NBAS: variants seen among roughly 807,000 people sequenced by gnomAD.
The protein encoded by NBAS is NAG/BC035112 fusion.
NBAS carries 219 observed loss-of-function variants against 302.5 expected under a neutral mutation model. That is an observed-to-expected ratio of 0.72 (90% CI 0.65 to 0.81). The LOEUF (loss-of-function observed/expected upper bound fraction) is 0.81, where lower values mean the gene tolerates loss of function less well. Among genes scored for constraint, NBAS ranks in the 30% least tolerant of loss-of-function variants. The pLI is 0.00. For missense variants in NBAS, 2,932 were observed against 2,841.6 expected (o/e 1.03, Z -0.72); for synonymous variants, 1,118 against 1,021.6 (o/e 1.09, Z -1.80).
At chr2:15,277,174 G>A in intron 42 of NBAS, 73 bp from the exon 43 acceptor site, 1 of 1,552,640 alleles carries the variant, frequency 6.4e-7, no homozygotes, top group South Asian at 1.2e-5. Flanking sequence ...TTTAACCAAG[G>A]AAGAAACACT....
chr2:15,014,476 G>T, the NBAS span, among the ~76,000 whole-genome samples: 1 of 151,990 alleles, frequency 6.6e-6, no homozygotes, highest in South Asian at 2.1e-4. Context: ...ATAACAAGAG[G>T]AGCCTTGGAA....
At chr2:14,972,137 C>A in the NBAS span, among the ~76,000 whole-genome samples, 4 of 152,132 alleles carry the variant, frequency 2.6e-5, no homozygotes, top group Non-Finnish European at 5.9e-5. Flanking sequence ...GGAATGAGAT[C>A]ATGTCCTTTG....
At chr2:15,316,157 T>C (rs1333858675) in intron 38 of NBAS, among the ~76,000 whole-genome samples, 1 of 152,252 alleles carries the variant, frequency 6.6e-6, no homozygotes, top group African/African-American at 2.4e-5. Flanking sequence ...ACGAATTTAA[T>C]TTGTAATGCT....
chr2:15,219,045 A>G, intron 47 of NBAS, 77 bp from the exon 48 acceptor site: 2 of 1,535,426 alleles, frequency 1.3e-6, no homozygotes, highest in South Asian at 1.2e-5. Flanking sequence ...AAATGTGGTC[A>G]CTGACCTAAC....
At position 15,432,245 on chromosome 2, in the gene NBAS, A is replaced by G. The variant is rs181162241; in HGVS notation, c.2340-4451T>C. Among the ~76,000 whole-genome samples, 99 of 151,646 alleles carry G rather than the reference A, an allele frequency of 6.5e-4. 1 individual carries two copies. The East Asian group carries it at 0.016, about 25-fold the overall frequency. On this transcript the variant is annotated intron_variant, in intron 21 of 51. Transcript: ENST00000281513. ...TTTGTCTATTTTTCCCCTGCTTGGG[A>G]AGTCTTAAGATTTAAATACATCATC...
intron 31 of NBAS, among the ~76,000 whole-genome samples, chr2:15,372,772 T>C (rs1180294808): frequency 6.6e-6 from 1 of 152,218 alleles, no homozygotes; most frequent in Non-Finnish European, 1.5e-5. Context: ...GCAGCGGTTT[T>C]GGTTGCAGGT....
At chr2:15,433,657 T>G (rs1677869486) in intron 21 of NBAS, among the ~76,000 whole-genome samples, 1 of 152,228 alleles carries the variant, frequency 6.6e-6, no homozygotes, top group Non-Finnish European at 1.5e-5. Context: ...CAAAAGGCAT[T>G]GTCTCTGTCC....
chr2:15,258,982 C>T (rs1668730751), intron 44 of NBAS, among the ~76,000 whole-genome samples: 1 of 152,120 alleles, frequency 6.6e-6, no homozygotes. Flanking sequence ...CTGTAAAATT[C>T]CTCTCTTTGT....
chr2:14,858,305 G>T, the NBAS span, among the ~76,000 whole-genome samples: 1 of 152,096 alleles, frequency 6.6e-6, no homozygotes, highest in Non-Finnish European at 1.5e-5. Flanking sequence ...CAAACCCACT[G>T]CTGGGTATAT....
downstream of NBAS, among the ~76,000 whole-genome samples, chr2:15,163,850 G>A (rs977484110): frequency 6.6e-6 from 1 of 151,528 alleles, no homozygotes; most frequent in South Asian, 2.1e-4. Context: ...AGGCTGGAGT[G>A]CAGTGGTGCA....
chr2:15,287,772 G>A (rs528480767), intron 41 of NBAS, among the ~76,000 whole-genome samples: 5 of 152,034 alleles, frequency 3.3e-5, no homozygotes, highest in Admixed American at 3.3e-4. Flanking sequence ...ACCCCATGTA[G>A]GCATCCCCGC....
the NBAS span, among the ~76,000 whole-genome samples, chr2:14,782,050 C>G: frequency 6.6e-6 from 1 of 152,170 alleles, no homozygotes; most frequent in Non-Finnish European, 1.5e-5. Flanking sequence ...CTGCCTTCCA[C>G]TAATAAAACT....
intron 45 of NBAS, among the ~76,000 whole-genome samples, chr2:15,237,196 T>G (rs904118348): frequency 5.3e-5 from 8 of 152,206 alleles, no homozygotes; most frequent in African/African-American, 1.9e-4. Context: ...ATTTGTCAAC[T>G]TTCCAGTTAT....
chr2:15,218,738 T>G (rs777367508), intron 48 of NBAS, 35 bp downstream of exon 48: 4 of 1,613,804 alleles, frequency 2.5e-6, no homozygotes, highest in Non-Finnish European at 3.4e-6. Context: ...TAATTATTGT[T>G]AGTAAGAAAA....
the NBAS span, among the ~76,000 whole-genome samples, chr2:14,926,149 T>C: frequency 7.2e-5 from 11 of 152,162 alleles, no homozygotes; most frequent in African/African-American, 2.4e-4. Context: ...AGCCAAAATT[T>C]TGCATTTTGA....
intron 38 of NBAS, among the ~76,000 whole-genome samples, chr2:15,324,384 G>C (rs1671967400): frequency 1.3e-5 from 2 of 152,106 alleles, no homozygotes; most frequent in Admixed American, 1.3e-4. Context: ...ACAAATCCCT[G>C]ACAAATCATG....
intron 28 of NBAS, among the ~76,000 whole-genome samples, chr2:15,384,149 T>C (rs577568165): frequency 2.0e-5 from 3 of 152,338 alleles, no homozygotes; most frequent in Non-Finnish European, 2.9e-5. Flanking sequence ...GTGAGGCCTC[T>C]ATAATCTGGT....
At chr2:15,160,388 C>T in the NBAS span, among the ~76,000 whole-genome samples, 6 of 152,298 alleles carry the variant, frequency 3.9e-5, no homozygotes, top group Non-Finnish European at 7.3e-5. Flanking sequence ...AAGATCCCTA[C>T]GCATGGACAC....
At chr2:15,084,838 C>T in the NBAS span, among the ~76,000 whole-genome samples, 1 of 152,172 alleles carries the variant, frequency 6.6e-6, no homozygotes, top group African/African-American at 2.4e-5. Flanking sequence ...AAATTATCCT[C>T]GAAGACTCTA....
Sources: allele counts gnomAD v4.1 joint callset (sites outside exome capture counted in the v4.1 genomes callset), GRCh38; gene constraint gnomAD v4.1.1; transcripts MANE v1.5; gene names NCBI Gene and HGNC (gene_info 2026-07-23, HGNC 2026-07-21).